The following EXT2 variants were observed in gnomAD, a reference collection of about 807,000 sequenced individuals.
EXT2 encodes the protein exostosin glycosyltransferase 2, also known as exostosin-2.
In EXT2, 53 loss-of-function variants were observed where a neutral mutation model predicts 81.6. The observed-to-expected ratio is 0.65, with a 90% confidence interval of 0.52 to 0.82. EXT2 has a LOEUF of 0.82. Ranked by LOEUF, EXT2 falls within the 40% of genes least tolerant of loss-of-function variation. The pLI is 0.00. For missense variants in EXT2, 774 were observed against 910.2 expected, an observed-to-expected ratio of 0.85 and a Z score of 1.93; for synonymous variants, 320 against 340.0, an observed-to-expected ratio of 0.94 and a Z score of 0.65.
At chr11:44,153,415 T>A (rs1413210000) in intron 7 of EXT2, among the ~76,000 whole-genome samples, 3 of 152,206 alleles carry the variant, frequency 2.0e-5, no homozygotes, top group Admixed American at 2.0e-4. Context: ...GTTGTTGTTG[T>A]TGATTTTGTT....
rs1044259732 is a variant in EXT2 at position 44,245,916 on chromosome 11, A to G, written c.*1629A>G. On this transcript the variant is annotated 3_prime_UTR_variant, in exon 14 of 14. Transcript: ENST00000533608. ...TTCATTTTGCAAATGCAGAAACTGAAGCTGCAGATGTTCATTTTGCAAATG... is the reference window on the plus strand; with the variant it reads ...TTCATTTTGCAAATGCAGAAACTGAGGCTGCAGATGTTCATTTTGCAAATG... Among the ~76,000 whole-genome samples, 3 of 152,232 alleles carry G rather than the reference A, an allele frequency of 2.0e-5. No individual in the cohort carries two copies. Among genetic ancestry groups the G allele is most frequent in the Non-Finnish European group, 4.4e-5 (3 of 68,028 alleles).
chr11:44,168,443 C>T (rs539804561), intron 7 of EXT2, among the ~76,000 whole-genome samples: 20 of 152,034 alleles, frequency 1.3e-4, no homozygotes, highest in East Asian at 3.9e-4. Flanking sequence ...AAATATTGTC[C>T]GAAAGTTTTC....
rs1956127163 is a variant in EXT2, at chr11:44,250,114, G to A, written c.*5827G>A. On this transcript the variant is annotated 3_prime_UTR_variant, in exon 14 of 14. Coordinates refer to ENST00000533608, the MANE Select transcript of EXT2 (RefSeq NM_207122.2). ...TTGCCAGGCAGTGTGGTAGGCCCAAGAGATATAGCAATTAGAGTTGACTAA... is the reference window on the plus strand; with the variant it reads ...TTGCCAGGCAGTGTGGTAGGCCCAAAAGATATAGCAATTAGAGTTGACTAA... 6.6e-6 allele frequency among the ~76,000 whole-genome samples: 1 copy of A among 152,198 alleles called. No individual in the cohort carries two copies. Among genetic ancestry groups the A allele is most frequent in the African/African-American group, 2.4e-5 (1 of 41,456 alleles).
intron 7 of EXT2, among the ~76,000 whole-genome samples, chr11:44,171,242 G>C (rs560413083): frequency 6.6e-6 from 1 of 152,208 alleles, no homozygotes; most frequent in Non-Finnish European, 1.5e-5. Flanking sequence ...CTAATTGTAA[G>C]AGTATGTACA....
chr11:44,117,682 C>T (rs2134993981), intron 4 of EXT2, among the ~76,000 whole-genome samples: 1 of 152,308 alleles, frequency 6.6e-6, no homozygotes, highest in Admixed American at 6.5e-5. Flanking sequence ...GTCTATTATG[C>T]CAGTACTACA....
At chr11:44,207,009 G>C in intron 10 of EXT2, 50 bp downstream of exon 10, 1 of 1,566,406 alleles carries the variant, frequency 6.4e-7, no homozygotes, top group Non-Finnish European at 8.8e-7. Context: ...TACTTCCTAT[G>C]ACTGCTTGTC....
At position 44,206,819 on chromosome 11, in the gene EXT2, C is replaced by G. The variant is rs781763740; in HGVS notation, c.1522C>G (p.Pro508Ala). 1 of 1,613,890 alleles carries G rather than the reference C, an allele frequency of 6.2e-7. No homozygotes were observed. Among genetic ancestry groups the G allele is most frequent in the South Asian group, 1.1e-5 (1 of 91,072 alleles). ...EDSLWPKIRV[P>A]LKVVRTAENK... The stretch of plus-strand genomic sequence containing the variant: ...TTCTCTCTGGCCCAAAATCCGGGTT[C>G]CATTAAAAGTTGTGAGGACTGCTGA... Residue 508 changes from proline to alanine, a missense_variant, in exon 10 of 14, where the codon CCA (proline) becomes GCA (alanine). Physicochemically the swap from Pro to Ala is conservative, Grantham distance 27 (BLOSUM62 -1). Around this residue, in one of 2 missense-constraint regions of EXT2, gnomAD observed 626 missense variants for 670.5 expected, o/e 0.93. Coordinates refer to ENST00000533608, the MANE Select transcript of EXT2 (RefSeq NM_207122.2).
chr11:44,233,237 G>T (rs746840612), intron 11 of EXT2, among the ~76,000 whole-genome samples: 2 of 152,052 alleles, frequency 1.3e-5, no homozygotes, highest in Non-Finnish European at 2.9e-5. Context: ...AGGATTGTTT[G>T]TGCAAATTTA....
chr11:44,239,710 TTTTTTGG>T (rs1956013822), intron 13 of EXT2, among the ~76,000 whole-genome samples: 1 of 125,620 alleles, frequency 8.0e-6, no homozygotes, highest in Non-Finnish European at 1.8e-5. Flanking sequence ...TTTTTTTTTT[TTTTTTGG>T]AAGACCAGAG....
chr11:44,168,677 C>T (rs1483562002), intron 7 of EXT2, among the ~76,000 whole-genome samples: 1 of 152,202 alleles, frequency 6.6e-6, no homozygotes, highest in Non-Finnish European at 1.5e-5. Context: ...AGCCAGAACA[C>T]AGTAGAAGTA....
At chr11:44,105,306 T>A (rs1440682206) in intron 1 of EXT2, among the ~76,000 whole-genome samples, 1 of 152,236 alleles carries the variant, frequency 6.6e-6, no homozygotes, top group Non-Finnish European at 1.5e-5. Flanking sequence ...TTTATTTTAT[T>A]TTTTGAGAAA....
At chr11:44,204,787 G>A (rs912358310) in intron 9 of EXT2, among the ~76,000 whole-genome samples, 1 of 151,934 alleles carries the variant, frequency 6.6e-6, no homozygotes, top group Non-Finnish European at 1.5e-5. Flanking sequence ...AACCATCCCC[G>A]CCCCTCCTTC....
At chr11:44,223,352 T>C (rs1955802595) in intron 10 of EXT2, among the ~76,000 whole-genome samples, 1 of 152,240 alleles carries the variant, frequency 6.6e-6, no homozygotes, top group African/African-American at 2.4e-5. Context: ...CAGCTTTATT[T>C]GTAATTGCCA....
intron 7 of EXT2, among the ~76,000 whole-genome samples, chr11:44,149,909 A>G (rs975099659): frequency 6.6e-6 from 1 of 152,184 alleles, no homozygotes; most frequent in Non-Finnish European, 1.5e-5. Flanking sequence ...TTTTGGATGT[A>G]ATAATAGATT....
chr11:44,138,426 G>A (rs1479467857), intron 7 of EXT2, among the ~76,000 whole-genome samples: 1 of 152,078 alleles, frequency 6.6e-6, no homozygotes, highest in East Asian at 1.9e-4. Flanking sequence ...CTGGAACCTA[G>A]GTCTCCTGAC....
Position 44,124,777 on chromosome 11 carries a change from T to C in EXT2, c.744-12T>C, listed in dbSNP as rs751090452. 1.9e-6 allele frequency: 3 copies of C among 1,613,944 alleles called. No homozygotes were observed. The highest frequency in any genetic ancestry group is 2.2e-5 in the East Asian group (1 of 44,878). Reference sequence around the variant, plus strand: ...CTGCAATTTTCCAATCACCTGTTTTTTTCCCTTGTAGTCCACGGCAATACT... The same window carrying C: ...CTGCAATTTTCCAATCACCTGTTTTCTTCCCTTGTAGTCCACGGCAATACT... On this transcript the variant is annotated splice_polypyrimidine_tract_variant and intron_variant, in intron 4 of 13. Coordinates refer to ENST00000533608, the MANE Select transcript of EXT2 (RefSeq NM_207122.2).
rs869143629 is a variant in EXT2 at position 44,223,651 on chromosome 11, CT to C, written c.1663-8686del. Among the ~76,000 whole-genome samples the C allele has an allele frequency of 3.0e-3, 415 of 138,706 alleles. 2 individuals are homozygous for C. The highest frequency in any genetic ancestry group is 0.011 in the Middle Eastern group (3 of 264). 91.0% of individuals were successfully genotyped at this position (138,706 alleles called of 152,430 possible). A position where few individuals can be genotyped will look rare whatever the true frequency, so the allele number is the denominator to read the frequency against. ...GATAGGGAGGGAGACAGTTGTGTGTCTTTTTTTTTTTTTTTTGTGACGGAGT... is the reference window on the plus strand; with the variant it reads ...GATAGGGAGGGAGACAGTTGTGTGTCTTTTTTTTTTTTTTTGTGACGGAGT... On this transcript the variant is annotated intron_variant, in intron 10 of 13. Coordinates refer to ENST00000533608, the MANE Select transcript of EXT2 (RefSeq NM_207122.2).
chr11:44,202,189 G>A (rs1955529871), intron 9 of EXT2, among the ~76,000 whole-genome samples: 1 of 152,140 alleles, frequency 6.6e-6, no homozygotes, highest in South Asian at 2.1e-4. Context: ...GGTCTTCATT[G>A]TTCTCTAAAA....
At chr11:44,172,856 G>A (rs1447156650) in intron 8 of EXT2, among the ~76,000 whole-genome samples, 1 of 152,194 alleles carries the variant, frequency 6.6e-6, no homozygotes, top group Admixed American at 6.5e-5. Flanking sequence ...TTACAGGCAT[G>A]AGCCATTGTG....
Sources: allele counts gnomAD v4.1 joint callset (sites outside exome capture counted in the v4.1 genomes callset), GRCh38; gene constraint gnomAD v4.1.1; regional missense constraint gnomAD v4.1.1; transcripts MANE v1.5; gene names NCBI Gene and HGNC (gene_info 2026-07-23, HGNC 2026-07-21).